The following GOLGA3 variants were observed in gnomAD, a reference collection of about 807,000 sequenced individuals.
GOLGA3 encodes golgin A3.
In GOLGA3, 75 loss-of-function variants were observed where a neutral mutation model predicts 169.4. The observed-to-expected ratio is 0.44, with a 90% confidence interval of 0.37 to 0.54. The LOEUF (loss-of-function observed/expected upper bound fraction) is 0.54. Among genes scored for constraint, GOLGA3 ranks in the 20% least tolerant of loss-of-function variants. The probability of loss-of-function intolerance (pLI) is 0.00; values close to 1 mark genes in which losing one functional copy is unlikely to be tolerated. For missense variants in GOLGA3, 1,899 were observed against 1,930.0 expected (o/e 0.98, Z 0.30); for synonymous variants, 824 against 822.4 (o/e 1.00, Z -0.03).
rs1410770794 is a variant in GOLGA3 at position 132,822,300 on chromosome 12, A to G, written c.-172T>C. The G allele has an allele frequency of 4.4e-6, 6 of 1,361,166 alleles. No homozygotes were observed. Among genetic ancestry groups the G allele is most frequent in the African/African-American group, 1.5e-5 (1 of 65,160 alleles). The allele number at this position is 1,361,166 out of a possible 1,614,324, so 84.3% of individuals were successfully genotyped here. ...AAATGACTTGATGTCAAACCAGCTA[A>G]TATCATGATACCTGACAGGAGAGAG... On this transcript the variant is annotated 5_prime_UTR_variant, in exon 2 of 24. Coordinates refer to ENST00000450791, the MANE Select transcript of GOLGA3 (RefSeq NM_001389683.1).
intron 7 of GOLGA3, among the ~76,000 whole-genome samples, chr12:132,802,454 C>T (rs1371638004): frequency 2.2e-5 from 3 of 135,570 alleles, no homozygotes; most frequent in Non-Finnish European, 3.1e-5. Context: ...CAGCGAGATC[C>T]CCCACCACCA....
chr12:132,794,073 C>T (rs543150448), intron 11 of GOLGA3, among the ~76,000 whole-genome samples: 10 of 152,314 alleles, frequency 6.6e-5, no homozygotes, highest in East Asian at 1.9e-4. Context: ...ATCATTCATC[C>T]GTTCCGATGA....
At chr12:132,806,550 G>A (rs1016434344) in intron 6 of GOLGA3, among the ~76,000 whole-genome samples, 2 of 152,240 alleles carry the variant, frequency 1.3e-5, no homozygotes, top group Middle Eastern at 3.2e-3. Flanking sequence ...CTCCAGCCCT[G>A]CTCTGCGGCC....
At chr12:132,825,459 G>T (rs1440183718) in intron 1 of GOLGA3, among the ~76,000 whole-genome samples, 1 of 152,192 alleles carries the variant, frequency 6.6e-6, no homozygotes, top group Non-Finnish European at 1.5e-5. Flanking sequence ...TGCCAACACA[G>T]GTTTAATTTG....
At chr12:132,790,678 T>TGGAGATCTGA (rs1203860699) in intron 12 of GOLGA3, among the ~76,000 whole-genome samples, 1 of 151,990 alleles carries the variant, frequency 6.6e-6, no homozygotes, top group Non-Finnish European at 1.5e-5. Context: ...CAGCCGCCCC[T>TGGAGATCTGA]GGAGATCTGA....
At chr12:132,791,626 G>C (rs1019321777) in intron 11 of GOLGA3, among the ~76,000 whole-genome samples, 1 of 147,694 alleles carries the variant, frequency 6.8e-6, no homozygotes, top group Non-Finnish European at 1.5e-5. Flanking sequence ...ACTATAGGAG[G>C]GGAATGTGTC....
intron 23 of GOLGA3, among the ~76,000 whole-genome samples, 170 bp from the exon 24 acceptor site, chr12:132,773,464 A>G (rs1437149040): frequency 2.6e-5 from 4 of 152,186 alleles, no homozygotes; most frequent in Non-Finnish European, 4.4e-5. Flanking sequence ...CGTTCTCTAC[A>G]CTGTGCAGAG....
At position 132,769,107 on chromosome 12, in the gene GOLGA3, A is replaced by C. The variant is rs1184501066; in HGVS notation, c.*3998T>G. On this transcript the variant is annotated 3_prime_UTR_variant, in exon 24 of 24. Transcript: ENST00000450791. The stretch of plus-strand genomic sequence containing the variant: ...AAAAACAAGTAACTCAAAAGCACTG[A>C]ATTTTCCAGACCCTCTAACACATTT... 2 of 152,438 alleles carry C rather than the reference A, an allele frequency of 1.3e-5. No homozygotes were observed. The highest frequency in any genetic ancestry group is 4.8e-5 in the African/African-American group (2 of 41,450). 9.4% of individuals were successfully genotyped at this position (152,438 alleles called of 1,614,324 possible). A position where few individuals can be genotyped will look rare whatever the true frequency, so the allele number is the denominator to read the frequency against.
chr12:132,805,876 CCT>C (rs1432883804), intron 6 of GOLGA3, among the ~76,000 whole-genome samples: 3 of 152,132 alleles, frequency 2.0e-5, no homozygotes, highest in African/African-American at 7.2e-5. Flanking sequence ...TAGAGGGACC[CCT>C]GAGAGATTAA....
Position 132,773,313 on chromosome 12 carries a change from GA to G in GOLGA3, c.4308-20del, listed in dbSNP as rs1427521000. On this transcript the variant is annotated intron_variant, in intron 23 of 23. Coordinates refer to ENST00000450791, the MANE Select transcript of GOLGA3 (RefSeq NM_001389683.1). The stretch of plus-strand genomic sequence containing the variant: ...CTCCTGCCTGGGACAGAAGAAGGAG[GA>G]AGAAGGCCCAGATCACACAAGTGCC... 1 of 1,357,038 alleles carries G rather than the reference GA, an allele frequency of 7.4e-7. No homozygotes were observed. The highest frequency in any genetic ancestry group is 1.5e-5 in the African/African-American group (1 of 66,082). 84.1% of individuals were successfully genotyped at this position (1,357,038 alleles called of 1,614,324 possible).
chr12:132,800,235 C>A (rs1169484138), intron 8 of GOLGA3, among the ~76,000 whole-genome samples: 1 of 152,224 alleles, frequency 6.6e-6, no homozygotes, highest in Admixed American at 6.5e-5. Flanking sequence ...GTGGCTCACA[C>A]CTGTAATCCC....
Position 132,791,241 on chromosome 12 carries a change from AT to A in GOLGA3, c.2521del (p.Ile841Ter). On this transcript the variant is annotated frameshift_variant, in exon 12 of 24. Transcript: ENST00000450791. LOFTEE classifies it high-confidence loss of function. ...CTTTTGTTGGAGAAACTGTTCCTTT[AT>A]TTTTTGCATTTGCTTTTTCAGAGCA... ...TAALKKQMQK[I>X]KEQFLQQKVM... 1 of 1,605,996 alleles carries A rather than the reference AT, an allele frequency of 6.2e-7. No individual in the cohort carries two copies. The highest frequency in any genetic ancestry group is 8.5e-7 in the Non-Finnish European group (1 of 1,173,500).
intron 1 of GOLGA3, 79 bp downstream of exon 1, chr12:132,828,724 C>T (rs1052532832): frequency 2.6e-5 from 4 of 153,028 alleles, no homozygotes; most frequent in Non-Finnish European, 5.9e-5. Context: ...CCTCGAGCCT[C>T]CCCCGCCCAT....
rs1950529949 is a variant in GOLGA3 at position 132,828,765 on chromosome 12, CCCGAGCCCCGAGGCGCCGCGGCCT to C, written c.-184+14_-184+37del. Reference sequence around the variant, plus strand: ...GCGGGAGCGGGAGCGGGAGCGGGAGCCCGAGCCCCGAGGCGCCGCGGCCTCCGAGCCCCTCACCCTGCTGCTCTG... The same window carrying C: ...GCGGGAGCGGGAGCGGGAGCGGGAGCCCGAGCCCCTCACCCTGCTGCTCTG... On this transcript the variant is annotated intron_variant, in intron 1 of 23. Transcript: ENST00000450791. 6.6e-6 allele frequency: 1 copy of C among 151,900 alleles called. No individual in the cohort carries two copies. The highest frequency in any genetic ancestry group is 2.4e-5 in the African/African-American group (1 of 40,858). 9.4% of individuals were successfully genotyped at this position (151,900 alleles called of 1,614,324 possible).
In GOLGA3 at chr12:132,820,918, G is replaced by C. The variant is rs143367517; in HGVS notation, c.133+1078C>G. 3.3e-4 allele frequency among the ~76,000 whole-genome samples: 50 copies of C among 152,016 alleles called. 1 individual carries two copies. The East Asian group carries it at 9.7e-3, about 29-fold the overall frequency. Reference sequence around the variant, plus strand: ...AGTTCGAGACCAGCCTGGCCAACATGGTGAAACCCCGTCTCTACTAAAAAT... The same window carrying C: ...AGTTCGAGACCAGCCTGGCCAACATCGTGAAACCCCGTCTCTACTAAAAAT... On this transcript the variant is annotated intron_variant, in intron 2 of 23. Coordinates refer to ENST00000450791, the MANE Select transcript of GOLGA3 (RefSeq NM_001389683.1).
At position 132,774,326 on chromosome 12, in the gene GOLGA3, T is replaced by C; in HGVS notation, c.4144-6A>G. 1 of 1,611,006 alleles carries C rather than the reference T, an allele frequency of 6.2e-7. No individual in the cohort carries two copies. The highest frequency in any genetic ancestry group is 8.5e-7 in the Non-Finnish European group (1 of 1,179,988). On this transcript the variant is annotated splice_polypyrimidine_tract_variant and splice_region_variant and intron_variant, in intron 22 of 23. Coordinates refer to ENST00000450791, the MANE Select transcript of GOLGA3 (RefSeq NM_001389683.1). ...TCGCCTTTCGGCTCCTTTCTCTGTT[T>C]TTAAAAGCACATGATCAGCTTTCCC...
At position 132,777,158 on chromosome 12, in the gene GOLGA3, GA is replaced by G; in HGVS notation, c.3723-69del. 1.3e-6 allele frequency: 2 copies of G among 1,502,252 alleles called. No homozygotes were observed. Among genetic ancestry groups the G allele is most frequent in the East Asian group, 2.3e-5 (1 of 43,876 alleles). The allele number at this position is 1,502,252 out of a possible 1,614,324, so 93.1% of individuals were successfully genotyped here. ...CCAGTGTGCTGTGCCCTCCCGCTGGGAAATGCTGCCTGTGGAAGGCGTTCGT... is the reference window on the plus strand; with the variant it reads ...CCAGTGTGCTGTGCCCTCCCGCTGGGAATGCTGCCTGTGGAAGGCGTTCGT... On this transcript the variant is annotated intron_variant, in intron 19 of 23. Transcript: ENST00000450791. This position sits in a 1 kb window ranked among gnomAD's most constrained non-coding sequence, Gnocchi z 4.7.
At chr12:132,787,039 C>T (rs1976039) in intron 13 of GOLGA3, among the ~76,000 whole-genome samples, 47,543 of 151,558 alleles carry the variant, frequency 0.31, 7,749 homozygotes, top group East Asian at 0.52. Flanking sequence ...CTGCAACCTC[C>T]GCCTCCCAGG....
At chr12:132,788,921 A>ACCCCGCCCCCGACACAGG (rs1566090085) in intron 13 of GOLGA3, 106 bp downstream of exon 13, 5 of 220,298 alleles carry the variant, frequency 2.3e-5, no homozygotes, top group Admixed American at 1.2e-4. Context: ...ACCCAGACAG[A>ACCCCGCCCCCGACACAGG]CCCCGCCCCA....
Sources: allele counts gnomAD v4.1 joint callset (sites outside exome capture counted in the v4.1 genomes callset), GRCh38; gene constraint gnomAD v4.1.1; non-coding constraint Gnocchi (gnomAD v3.1); transcripts MANE v1.5; gene names NCBI Gene and HGNC (gene_info 2026-07-23, HGNC 2026-07-21).